TARS1: variants seen among roughly 807,000 people sequenced by gnomAD.
TARS1 encodes the protein threonine--tRNA ligase 1, cytoplasmic.
In TARS1, 57 loss-of-function variants were observed where a neutral mutation model predicts 97.7. The observed-to-expected ratio is 0.58, with a 90% confidence interval of 0.47 to 0.73. TARS1 has a LOEUF of 0.73. Ranked by LOEUF, TARS1 falls within the 30% of genes least tolerant of loss-of-function variation. TARS1 has a pLI of 0.00. For missense variants in TARS1, 806 were observed against 888.3 expected (o/e 0.91, Z 1.18); for synonymous variants, 312 against 293.7 (o/e 1.06, Z -0.64).
rs1741946012 is a variant in TARS1 at position 33,455,084 on chromosome 5, T to G, written c.575+18T>G. ...GAAGAAGGGTAAGCCATCAACTAGATAAAGAAAACTGAAGTCAATGACTAT... is the reference window on the plus strand; with the variant it reads ...GAAGAAGGGTAAGCCATCAACTAGAGAAAGAAAACTGAAGTCAATGACTAT... On this transcript the variant is annotated intron_variant, in intron 5 of 18. Transcript: ENST00000265112. The G allele has an allele frequency of 1.4e-5, 23 of 1,612,506 alleles. No homozygotes were observed. The East Asian group carries it at 5.1e-4, about 36-fold the overall frequency.
Position 33,462,009 on chromosome 5 carries a change from G to A in TARS1, c.1730+3G>A, listed in dbSNP as rs757154202. On this transcript the variant is annotated splice_donor_region_variant and intron_variant, in intron 15 of 18. Transcript: ENST00000265112. ...AGATTTAATCTTACTTATGTAAGGT[G>A]AGTTTCTGGTGTCTGCTCTGAATAT... The A allele has an allele frequency of 2.1e-5, 34 of 1,613,168 alleles. No individual in the cohort carries two copies. Among genetic ancestry groups the A allele is most frequent in the Non-Finnish European group, 2.8e-5 (33 of 1,179,334 alleles).
At chr5:33,457,482 T>C in intron 9 of TARS1, 79 bp downstream of exon 9, 1 of 1,516,066 alleles carries the variant, frequency 6.6e-7, no homozygotes. Flanking sequence ...CTGCATGAAG[T>C]ACTAGGAATT....
At chr5:33,443,566 C>T (rs549809664) in intron 1 of TARS1, among the ~76,000 whole-genome samples, 15 of 149,898 alleles carry the variant, frequency 1.0e-4, no homozygotes, top group African/African-American at 3.7e-4. Context: ...GATCTCTGCT[C>T]ACTGCAAGCT....
chr5:33,442,320 C>CTTTTTTTTTT (rs763508345), intron 1 of TARS1, among the ~76,000 whole-genome samples: 7 of 104,598 alleles, frequency 6.7e-5, no homozygotes, highest in African/African-American at 1.8e-4. Context: ...TGTTTTGTAA[C>CTTTTTTTTTT]TTTTTTTTTT....
intron 11 of TARS1, 77 bp downstream of exon 11, chr5:33,459,938 A>G (rs1742212494): frequency 4.0e-6 from 6 of 1,491,152 alleles, no homozygotes; most frequent in African/African-American, 1.4e-5. Flanking sequence ...TCCTTTAACA[A>G]CATTTTCATT....
chr5:33,445,397 G>T lies in TARS1; in HGVS notation c.131G>T (p.Arg44Leu). ...AAAGAAGGATCTGGAGATGGAGGTC[G>T]AGCTGAGGTAAAAGTTATCATCACA... ...KNKEGSGDGG[R>L]AELNPWPEYI... The change falls in exon 2 of 19, where the codon CGA (arginine) becomes CTA (leucine). Residue 44 changes from arginine to leucine, a missense_variant. Physicochemically the swap from Arg to Leu is moderately radical, Grantham distance 102. Transcript: ENST00000265112. 1.2e-6 allele frequency: 2 copies of T among 1,612,828 alleles called. No individual in the cohort carries two copies. The highest frequency in any genetic ancestry group is 1.1e-5 in the South Asian group (1 of 90,920).
chr5:33,455,531 C>T (rs1002355819), intron 5 of TARS1, 56 bp from the exon 6 acceptor site: 55 of 1,169,570 alleles, frequency 4.7e-5, no homozygotes, highest in Admixed American at 1.9e-4. Context: ...GAACATTTTT[C>T]GAAGCCATGG....
At chr5:33,443,319 C>CT (rs1561066177) in intron 1 of TARS1, among the ~76,000 whole-genome samples, 7,892 of 117,188 alleles carry the variant, frequency 0.067, 692 homozygotes, top group East Asian at 0.21. Flanking sequence ...CTCTCTCTCT[C>CT]CCTCTCTCTC....
At position 33,467,796 on chromosome 5, in the gene TARS1, A is replaced by G. The variant is rs534477399; in HGVS notation, c.*88A>G. The G allele has an allele frequency of 2.7e-5, 39 of 1,444,864 alleles. No individual in the cohort carries two copies. The East Asian group carries it at 5.4e-4, about 20-fold the overall frequency. 89.5% of individuals were successfully genotyped at this position (1,444,864 alleles called of 1,614,324 possible). A position where few individuals can be genotyped will look rare whatever the true frequency, so the allele number is the denominator to read the frequency against. On this transcript the variant is annotated 3_prime_UTR_variant, in exon 19 of 19. Coordinates refer to ENST00000265112, the MANE Select transcript of TARS1 (RefSeq NM_152295.5). ...TTGTACTCTGAAAACGTCAATTTAT[A>G]TTGAACTTGGAGGAGTTTGGCAAAG... is the stretch of plus-strand genomic sequence containing the variant.
intron 3 of TARS1, 78 bp downstream of exon 3, chr5:33,448,809 T>G: frequency 8.6e-7 from 1 of 1,161,674 alleles, no homozygotes; most frequent in Non-Finnish European, 1.2e-6. Flanking sequence ...CCATGTTTTA[T>G]TCTTATAATA....
chr5:33,455,852 AT>A, intron 6 of TARS1, 148 bp downstream of exon 6: 1 of 992,102 alleles, frequency 1.0e-6, no homozygotes, highest in Non-Finnish European at 1.5e-6. Flanking sequence ...TTTTAATTTC[AT>A]TTTTTTCCTA....
At chr5:33,453,435 T>C (rs1481351160) in intron 4 of TARS1, 23 bp downstream of exon 4, 3 of 1,612,456 alleles carry the variant, frequency 1.9e-6, no homozygotes, top group South Asian at 1.1e-5. Context: ...TTAGTATTCA[T>C]TGAATTTTAG....
chr5:33,460,966 G>A lies in TARS1; in HGVS notation c.1315G>A (p.Val439Ile). The change falls in exon 12 of 19, where the codon GTA becomes ATA. Residue 439 changes from valine to isoleucine, a missense_variant. By Grantham distance (29) the Val-to-Ile change is conservative (BLOSUM62 3). This residue lies in a region of TARS1 where 446 missense variants were observed against 511.0 expected (regional missense o/e 0.87). Coordinates refer to ENST00000265112, the MANE Select transcript of TARS1 (RefSeq NM_152295.5). Reference protein sequence around the residue: ...ELPLRLADFGVLHRNELSGAL... With the variant: ...ELPLRLADFGILHRNELSGAL... Reference sequence around the variant, plus strand: ...GCCTCTGCGGCTAGCTGATTTTGGGGTACTTCATAGGAACGAGCTGTCTGG... The same window carrying A: ...GCCTCTGCGGCTAGCTGATTTTGGGATACTTCATAGGAACGAGCTGTCTGG... The A allele has an allele frequency of 6.2e-7, 1 of 1,614,144 alleles. No individual in the cohort carries two copies. Among genetic ancestry groups the A allele is most frequent in the Non-Finnish European group, 8.5e-7 (1 of 1,180,028 alleles).
At chr5:33,453,739 T>C (rs1741872738) in intron 4 of TARS1, among the ~76,000 whole-genome samples, 3 of 151,532 alleles carry the variant, frequency 2.0e-5, no homozygotes, top group Admixed American at 2.0e-4. Flanking sequence ...TTTTTTTTAA[T>C]GATGGAGTCT....
At chr5:33,444,085 G>A (rs1741292163) in intron 1 of TARS1, among the ~76,000 whole-genome samples, 1 of 152,154 alleles carries the variant, frequency 6.6e-6, no homozygotes, top group Admixed American at 6.5e-5. Flanking sequence ...AAGGTACAAT[G>A]ACAAGTATTG....
chr5:33,458,816 C>A, intron 10 of TARS1, 152 bp downstream of exon 10: 1 of 665,248 alleles, frequency 1.5e-6, no homozygotes, highest in Non-Finnish European at 2.4e-6. Flanking sequence ...TAAATCATCC[C>A]TAATAGTTGA....
chr5:33,445,529 G>T, intron 2 of TARS1, 125 bp downstream of exon 2: 1 of 665,526 alleles, frequency 1.5e-6, no homozygotes, highest in Non-Finnish European at 2.5e-6. Context: ...GGTACTGGTT[G>T]GAAAAATCAG....
chr5:33,455,596 T>C lies in TARS1; in HGVS notation c.585T>C (p.Ser195=), dbSNP rs898313810. The C allele has an allele frequency of 2.5e-6, 4 of 1,608,500 alleles. No homozygotes were observed. In the African/African-American group the frequency reaches 5.4e-5, roughly 22 times the overall value. The change falls in exon 6 of 19, where the codon TCT becomes TCC. Residue 195 remains serine (S), a synonymous_variant. Transcript: ENST00000265112. The part of the protein sequence containing the change: ...YDMYLEEGGV[S]SNDFSSLEAL... ...CTTTCTTCTCCTTCAGGGGTGTGTC[T>C]AGCAATGATTTCTCTTCTCTGGAGG...
chr5:33,445,873 C>T (rs1450205342), intron 2 of TARS1, among the ~76,000 whole-genome samples: 1 of 152,208 alleles, frequency 6.6e-6, no homozygotes, highest in Non-Finnish European at 1.5e-5. Context: ...TAAGCCAGGA[C>T]AGATCCCCTT....
Sources: allele counts gnomAD v4.1 joint callset (sites outside exome capture counted in the v4.1 genomes callset), GRCh38; gene constraint gnomAD v4.1.1; regional missense constraint gnomAD v4.1.1; transcripts MANE v1.5; gene names NCBI Gene and HGNC (gene_info 2026-07-23, HGNC 2026-07-21).